Variants in FERMT2 observed in about 807,000 individuals in gnomAD.
The protein encoded by FERMT2 is fermitin family homolog 2.
Under a neutral mutation model 82.7 loss-of-function variants are expected in FERMT2, and 15 were observed. The observed-to-expected ratio is 0.18, with a 90% CI of 0.12 to 0.28. FERMT2 has a LOEUF of 0.28. Ranked by LOEUF, FERMT2 falls within the 10% of genes least tolerant of loss-of-function variation. The pLI is 1.00. For synonymous variants in FERMT2, 274 were observed against 271.5 expected (o/e 1.01, Z -0.09); for missense variants, 645 against 809.4 (o/e 0.80, Z 2.46).
intron 3 of FERMT2, among the ~76,000 whole-genome samples, chr14:52,904,597 G>T (rs541249593): frequency 2.0e-5 from 3 of 150,754 alleles, no homozygotes; most frequent in African/African-American, 7.3e-5. Flanking sequence ...GGAGGCTGAG[G>T]CATGAGAATC....
At chr14:52,884,544 C>A (rs773679962) in intron 4 of FERMT2, among the ~76,000 whole-genome samples, 4 of 151,752 alleles carry the variant, frequency 2.6e-5, no homozygotes, top group South Asian at 2.1e-4. Context: ...GCGGAGTTTG[C>A]AGTGAGAGAC....
chr14:52,928,217 A>G, intron 2 of FERMT2: 1 of 229,188 alleles, frequency 4.4e-6, no homozygotes, highest in South Asian at 5.8e-5. Context: ...TTTACATTAG[A>G]TAATCTTTGC....
At chr14:52,891,156 A>G (rs989292548) in intron 4 of FERMT2, among the ~76,000 whole-genome samples, 1 of 152,162 alleles carries the variant, frequency 6.6e-6, no homozygotes, top group African/African-American at 2.4e-5. Flanking sequence ...CTTCCCCCAT[A>G]AACTGGCTCA....
chr14:52,944,199 C>G (rs1464987315), intron 2 of FERMT2, among the ~76,000 whole-genome samples: 1 of 152,192 alleles, frequency 6.6e-6, no homozygotes, highest in Non-Finnish European at 1.5e-5. Flanking sequence ...GTGTTTTAAA[C>G]ACTGAGTAAA....
chr14:52,905,856 T>C (rs758318602), intron 3 of FERMT2, among the ~76,000 whole-genome samples: 3 of 152,222 alleles, frequency 2.0e-5, no homozygotes, highest in Non-Finnish European at 2.9e-5. Context: ...TTATATGTAA[T>C]GCTTCAGTGA....
At position 52,915,888 on chromosome 14, in the gene FERMT2, A is replaced by T. The variant is rs148769056; in HGVS notation, c.391+3235T>A. 7.0e-4 allele frequency among the ~76,000 whole-genome samples: 107 copies of T among 152,352 alleles called. 1 individual carries two copies. In the East Asian group the frequency reaches 0.019, roughly 27 times the overall value. On this transcript the variant is annotated intron_variant, in intron 3 of 14. Coordinates refer to ENST00000341590, the MANE Select transcript of FERMT2 (RefSeq NM_006832.3). The stretch of plus-strand genomic sequence containing the variant: ...GAACTACAAATCAATGGTGAACGAT[A>T]AAACAAAAGAAGAATGGACGAACAG...
At chr14:52,890,212 C>T (rs936388752) in intron 4 of FERMT2, among the ~76,000 whole-genome samples, 6 of 151,284 alleles carry the variant, frequency 4.0e-5, no homozygotes, top group African/African-American at 1.2e-4. Flanking sequence ...GCAGGTGGAT[C>T]GATCATGAGG....
intron 3 of FERMT2, among the ~76,000 whole-genome samples, chr14:52,903,823 G>C (rs777809240): frequency 2.0e-5 from 3 of 152,132 alleles, no homozygotes; most frequent in Non-Finnish European, 4.4e-5. Context: ...AAATACAAGA[G>C]AGAAGATGAT....
At position 52,875,219 on chromosome 14, in the gene FERMT2, C is replaced by T; in HGVS notation, c.1098+4G>A. On this transcript the variant is annotated splice_donor_region_variant and intron_variant, in intron 8 of 14. Coordinates refer to ENST00000341590, the MANE Select transcript of FERMT2 (RefSeq NM_006832.3). ...TAGTAGGTAAAAAAAAAGATTCACCCTACCAAAATTGTTGACGTTTTACCC... is the reference window on the plus strand; with the variant it reads ...TAGTAGGTAAAAAAAAAGATTCACCTTACCAAAATTGTTGACGTTTTACCC... 6.3e-7 allele frequency: 1 copy of T among 1,595,676 alleles called. No homozygotes were observed.
intron 4 of FERMT2, among the ~76,000 whole-genome samples, chr14:52,885,309 T>A (rs548486896): frequency 2.5e-3 from 90 of 36,264 alleles, no homozygotes; most frequent in Admixed American, 8.4e-3. Context: ...CGAGACTTAG[T>A]CTCAAAAAAA....
chr14:52,864,595 C>T lies in FERMT2; in HGVS notation c.1408G>A (p.Ala470Thr), dbSNP rs1425305834. ...TTGCCTTTGGAGGCTAATCTGCAGGCTGCCATCCAGTGTGCATACTGTTTT... is the reference window on the plus strand; with the variant it reads ...TTGCCTTTGGAGGCTAATCTGCAGGTTGCCATCCAGTGTGCATACTGTTTT... ...NEKQYAHWMAACRLASKGKTM... is the reference protein window; with the variant it reads ...NEKQYAHWMATCRLASKGKTM... Residue 470 changes from alanine (A) to threonine (T), a missense_variant, in exon 12 of 15, where the codon GCC (alanine) becomes ACC (threonine). Transcript: ENST00000341590. 6.2e-7 allele frequency: 1 copy of T among 1,614,160 alleles called. No homozygotes were observed. Among genetic ancestry groups the T allele is most frequent in the Non-Finnish European group, 8.5e-7 (1 of 1,180,014 alleles).
chr14:52,895,023 G>C (rs958773482), intron 3 of FERMT2, among the ~76,000 whole-genome samples: 1 of 151,946 alleles, frequency 6.6e-6, no homozygotes, highest in Non-Finnish European at 1.5e-5. Flanking sequence ...AATATAAAAA[G>C]AGCCCTAACA....
At chr14:52,889,820 A>G (rs972835079) in intron 4 of FERMT2, among the ~76,000 whole-genome samples, 4 of 152,142 alleles carry the variant, frequency 2.6e-5, no homozygotes, top group African/African-American at 9.7e-5. Context: ...AACATCTCTA[A>G]ACATAGAAAA....
chr14:52,935,678 GTTAT>G (rs1357144839), intron 2 of FERMT2, among the ~76,000 whole-genome samples: 1 of 152,182 alleles, frequency 6.6e-6, no homozygotes. Context: ...CCCAGGATAT[GTTAT>G]TTGTTATGGC....
chr14:52,867,026 C>A (rs1407081496), intron 10 of FERMT2, among the ~76,000 whole-genome samples: 2 of 152,170 alleles, frequency 1.3e-5, no homozygotes, highest in East Asian at 1.9e-4. Flanking sequence ...TACACCACAA[C>A]CTACCTCCCT....
At chr14:52,885,228 G>A (rs1320902443) in intron 4 of FERMT2, among the ~76,000 whole-genome samples, 2 of 131,954 alleles carry the variant, frequency 1.5e-5, no homozygotes, top group Non-Finnish European at 3.1e-5. Flanking sequence ...CAGGAGAATC[G>A]CTTGAACCCA....
At chr14:52,941,293 G>A (rs374150744) in intron 2 of FERMT2, among the ~76,000 whole-genome samples, 7 of 152,266 alleles carry the variant, frequency 4.6e-5, no homozygotes, top group African/African-American at 1.7e-4. Flanking sequence ...GGTTTGAGGC[G>A]ATGAGACGGT....
chr14:52,923,485 C>G (rs1311687031), intron 2 of FERMT2, among the ~76,000 whole-genome samples: 1 of 152,048 alleles, frequency 6.6e-6, no homozygotes, highest in Non-Finnish European at 1.5e-5. Context: ...GATAATGGTA[C>G]AATAAAATCT....
intron 12 of FERMT2, among the ~76,000 whole-genome samples, chr14:52,863,985 C>T (rs930928475): frequency 1.2e-4 from 18 of 151,438 alleles, no homozygotes; most frequent in African/African-American, 4.3e-4. Context: ...CTTATCTGTT[C>T]TATTAAAATG....
Sources: gnomAD v4.1 joint callset for allele counts (sites outside exome capture counted in the v4.1 genomes callset) on GRCh38, gnomAD v4.1.1 for gene constraint, MANE v1.5 for transcripts, NCBI Gene and HGNC (gene_info 2026-07-23, HGNC 2026-07-21) for gene names.